The following NAV2 variants were observed in gnomAD, a reference collection of about 807,000 sequenced individuals.
NAV2 encodes the protein neuron navigator 2, also known as helicase, APC down-regulated 1.
Under a neutral mutation model 223.2 loss-of-function variants are expected in NAV2, and 54 were observed. The ratio of observed to expected loss-of-function variants is 0.24; its 90% CI spans 0.19 to 0.30. NAV2 has a LOEUF of 0.30. Among genes scored for constraint, NAV2 ranks in the 10% least tolerant of loss-of-function variants. The pLI, the probability that NAV2 is intolerant of heterozygous loss-of-function variation, is 1.00. For missense variants in NAV2, 2,806 were observed against 3,147.5 expected (o/e 0.89, Z 2.60); for synonymous variants, 1,279 against 1,239.3 (o/e 1.03, Z -0.67).
Position 19,713,382 on chromosome 11 carries a change from G to A in NAV2, c.-314G>A. Reference sequence around the variant, plus strand: ...CTGTTTCCCAGGAGGAAATTTGCAAGAGGCGGCAGCCCCTGAGCGCCCAGA... The same window carrying A: ...CTGTTTCCCAGGAGGAAATTTGCAAAAGGCGGCAGCCCCTGAGCGCCCAGA... On this transcript the variant is annotated 5_prime_UTR_variant, in exon 1 of 38. Coordinates refer to ENST00000349880, the MANE Select transcript of NAV2 (RefSeq NM_145117.5). The surrounding 1 kb of genome is among the most constrained non-coding windows in gnomAD (Gnocchi z 7.2). 8.4e-7 allele frequency: 1 copy of A among 1,187,904 alleles called. No individual in the cohort carries two copies. The highest frequency in any genetic ancestry group is 4.2e-5 in the South Asian group (1 of 23,700). The allele number at this position is 1,187,904 out of a possible 1,614,324, so 73.6% of individuals were successfully genotyped here.
intron 1 of NAV2, among the ~76,000 whole-genome samples, chr11:19,617,643 G>A (rs1239967961): frequency 1.3e-5 from 2 of 152,172 alleles, no homozygotes; most frequent in Non-Finnish European, 2.9e-5. Flanking sequence ...AAGTGTGAGG[G>A]TACCACTTAG....
intron 1 of NAV2, among the ~76,000 whole-genome samples, chr11:19,394,393 C>A (rs1849368611): frequency 2.0e-5 from 3 of 152,230 alleles, no homozygotes; most frequent in Admixed American, 2.0e-4. Flanking sequence ...TTCATTCACT[C>A]ATTTGTTTCT....
chr11:19,654,092 A>C (rs575592115), intron 1 of NAV2, among the ~76,000 whole-genome samples: 5 of 152,108 alleles, frequency 3.3e-5, no homozygotes, highest in Non-Finnish European at 5.9e-5. Context: ...TCTTATACAC[A>C]AATAACAGAC....
chr11:19,361,313 T>G (rs985718958), intron 1 of NAV2, among the ~76,000 whole-genome samples: 1 of 151,898 alleles, frequency 6.6e-6, no homozygotes, highest in Non-Finnish European at 1.5e-5. Context: ...CATAGAAATC[T>G]GAGAAAAAGT....
At chr11:20,060,466 A>G (rs1442186059) in intron 19 of NAV2, among the ~76,000 whole-genome samples, 1 of 152,222 alleles carries the variant, frequency 6.6e-6, no homozygotes, top group Non-Finnish European at 1.5e-5. Context: ...CTGATTTTTT[A>G]TGGGCATGAG....
rs946734631 is a variant in NAV2, at chr11:20,045,503, G to C, written c.3735G>C (p.Leu1245=). The change falls in exon 14 of 38, where the codon CTG becomes CTC. Residue 1245 remains leucine (L), a synonymous_variant. Coordinates refer to ENST00000349880, the MANE Select transcript of NAV2 (RefSeq NM_145117.5). ...KTALGSSLPG[L]VNQTDKEKGI... is the part of the protein sequence containing the mutation. ...CCCTAGGCAGCTCTCTACCAGGTCT[G>C]GTCAACCAAACAGACAAGGAGAAAG... 6.2e-7 allele frequency: 1 copy of C among 1,614,150 alleles called. No homozygotes were observed. Among genetic ancestry groups the C allele is most frequent in the Non-Finnish European group, 8.5e-7 (1 of 1,180,022 alleles).
At chr11:20,022,568 C>T (rs540294927) in intron 11 of NAV2, 29 of 985,492 alleles carry the variant, frequency 2.9e-5, no homozygotes, top group Non-Finnish European at 3.4e-5. Flanking sequence ...TCTTTTCAAT[C>T]GAATGCTTTG....
At chr11:19,974,459 A>G (rs1273234441) in intron 10 of NAV2, among the ~76,000 whole-genome samples, 2 of 152,230 alleles carry the variant, frequency 1.3e-5, no homozygotes, top group Non-Finnish European at 2.9e-5. Flanking sequence ...ATATTGGTTC[A>G]TCAGTTGCAA....
At chr11:19,947,620 AG>A (rs1310374652) in intron 9 of NAV2, among the ~76,000 whole-genome samples, 1 of 152,224 alleles carries the variant, frequency 6.6e-6, no homozygotes, top group Admixed American at 6.5e-5. Context: ...CTGCTCAGTG[AG>A]GAAATTCCAG....
At chr11:19,974,184 A>G (rs1429335817) in intron 10 of NAV2, among the ~76,000 whole-genome samples, 1 of 152,350 alleles carries the variant, frequency 6.6e-6, no homozygotes. Context: ...TCTAGCACAC[A>G]GTTCTTCCGC....
chr11:19,684,414 A>G (rs1341295396), intron 1 of NAV2, among the ~76,000 whole-genome samples: 2 of 152,012 alleles, frequency 1.3e-5, no homozygotes, highest in Non-Finnish European at 2.9e-5. Flanking sequence ...GACCCCAGTG[A>G]TGAAGGTGAA....
intron 8 of NAV2, among the ~76,000 whole-genome samples, chr11:19,945,115 C>CCTCTTTCTT (rs751353656): frequency 0.19 from 24,250 of 129,396 alleles, 3,197 homozygotes; most frequent in East Asian, 0.38. Flanking sequence ...TTCTTTTTTT[C>CCTCTTTCTT]TCTTTCTTTC....
intron 11 of NAV2, among the ~76,000 whole-genome samples, chr11:20,016,578 T>C (rs905076015): frequency 1.3e-5 from 2 of 152,194 alleles, no homozygotes; most frequent in Non-Finnish European, 2.9e-5. Context: ...TTTTGTAATA[T>C]AATTGGAGCA....
At chr11:20,062,476 G>A (rs2058767102) in intron 20 of NAV2, 117 bp downstream of exon 20, 1 of 743,156 alleles carries the variant, frequency 1.3e-6, no homozygotes, top group Non-Finnish European at 2.2e-6. Context: ...ATTATAAGGG[G>A]ATCAATTAAT....
intron 11 of NAV2, chr11:20,027,413 A>C (rs2055211145): frequency 1.0e-6 from 1 of 985,460 alleles, no homozygotes; most frequent in Non-Finnish European, 1.2e-6. Context: ...GGCATGGGCC[A>C]GCCCTGTAAA....
At chr11:20,022,585 G>A in intron 11 of NAV2, 1 of 985,878 alleles carries the variant, frequency 1.0e-6, no homozygotes, top group Non-Finnish European at 1.2e-6. Flanking sequence ...TTTGCCTTCA[G>A]ACGTCAATGG....
At chr11:19,679,067 A>C (rs1050732389) in intron 1 of NAV2, among the ~76,000 whole-genome samples, 13 of 152,232 alleles carry the variant, frequency 8.5e-5, no homozygotes, top group African/African-American at 3.1e-4. Flanking sequence ...GTTTTTAAAA[A>C]TGTATATGTC....
At chr11:19,743,051 G>C (rs976155264) in intron 1 of NAV2, among the ~76,000 whole-genome samples, 8 of 152,254 alleles carry the variant, frequency 5.3e-5, no homozygotes, top group African/African-American at 1.9e-4. Flanking sequence ...TGGGGTTTAG[G>C]AGAAAGAGCA....
At chr11:20,076,269 G>A (rs545230552) in intron 22 of NAV2, among the ~76,000 whole-genome samples, 303 of 152,256 alleles carry the variant, frequency 2.0e-3, no homozygotes, top group African/African-American at 7.0e-3. Context: ...GTACTACACT[G>A]CCTCCTTCAT....
Sources: gnomAD v4.1 joint callset for allele counts (sites outside exome capture counted in the v4.1 genomes callset) on GRCh38, gnomAD v4.1.1 for gene constraint, Gnocchi (gnomAD v3.1) non-coding constraint, MANE v1.5 for transcripts, NCBI Gene and HGNC (gene_info 2026-07-23, HGNC 2026-07-21) for gene names.